Variants in TMEM132D observed in about 807,000 individuals in gnomAD.
The protein encoded by TMEM132D is transmembrane protein 132D.
TMEM132D carries 21 observed loss-of-function variants against 62.3 expected under a neutral mutation model. The ratio of observed to expected loss-of-function variants is 0.34; its 90% CI spans 0.24 to 0.49. TMEM132D has a LOEUF of 0.49. TMEM132D is among the 20% of genes least tolerant of loss of function. The pLI, the probability that TMEM132D is intolerant of heterozygous loss-of-function variation, is 0.99. For synonymous variants in TMEM132D, 621 were observed against 575.6 expected (o/e 1.08, Z -1.13); for missense variants, 1,346 against 1,402.8 (o/e 0.96, Z 0.65).
rs1176612399 is a variant in TMEM132D at position 129,371,689 on chromosome 12, A to G, written c.1116-33872T>C. Among the ~76,000 whole-genome samples the G allele has an allele frequency of 6.6e-6, 1 of 151,910 alleles. No individual in the cohort carries two copies. Among genetic ancestry groups the G allele is most frequent in the Non-Finnish European group, 1.5e-5 (1 of 67,954 alleles). On this transcript the variant is annotated intron_variant, in intron 3 of 8. Transcript: ENST00000422113. This position sits in a 1 kb window ranked among gnomAD's most constrained non-coding sequence, Gnocchi z 4.3. ...GGTGTGGATGATGATGATGGTGACAATGATGATGTGATGATAGTGATGGTG... is the reference window on the plus strand; with the variant it reads ...GGTGTGGATGATGATGATGGTGACAGTGATGATGTGATGATAGTGATGGTG...
chr12:129,094,481 G>A (rs550875943), intron 5 of TMEM132D, among the ~76,000 whole-genome samples: 73 of 152,282 alleles, frequency 4.8e-4, no homozygotes, highest in South Asian at 1.2e-3. Flanking sequence ...ACCACAATGC[G>A]ATACCATCTT....
At chr12:129,097,410 GTTTC>G (rs757882423) in intron 5 of TMEM132D, among the ~76,000 whole-genome samples, 1 of 152,172 alleles carries the variant, frequency 6.6e-6, no homozygotes, top group Non-Finnish European at 1.5e-5. Flanking sequence ...TTCTCTGTAT[GTTTC>G]TTTTTCTTTC....
intron 3 of TMEM132D, among the ~76,000 whole-genome samples, chr12:129,466,266 T>C (rs1229324003): frequency 6.8e-6 from 1 of 146,384 alleles, no homozygotes; most frequent in Admixed American, 6.9e-5. Flanking sequence ...TAACAGTGGC[T>C]GGTAGATTTT....
In TMEM132D at chr12:129,319,666, G is replaced by A. The variant is rs78251261; in HGVS notation, c.1299+17968C>T. ...CAGTCCAGTGTTTGTGGGATGTGTA[G>A]ATAAGAAGAAACAAAGAAAGGAGAT... On this transcript the variant is annotated intron_variant, in intron 4 of 8. Transcript: ENST00000422113. Among the ~76,000 whole-genome samples, 21 of 152,306 alleles carry A rather than the reference G, an allele frequency of 1.4e-4. No homozygotes were observed. The East Asian group carries it at 3.7e-3, about 27-fold the overall frequency.
At chr12:129,288,953 T>TA (rs1881373225) in intron 4 of TMEM132D, among the ~76,000 whole-genome samples, 1 of 152,140 alleles carries the variant, frequency 6.6e-6, no homozygotes, top group East Asian at 1.9e-4. Context: ...TTAAGGACAT[T>TA]ATGCTAAGTC....
At chr12:129,623,774 C>T (rs1033309772) in intron 2 of TMEM132D, among the ~76,000 whole-genome samples, 1 of 149,446 alleles carries the variant, frequency 6.7e-6, no homozygotes, top group Non-Finnish European at 1.5e-5. Flanking sequence ...TATATATACA[C>T]ATATATATAT....
At chr12:129,861,504 TA>T (rs1181891685) in intron 1 of TMEM132D, among the ~76,000 whole-genome samples, 1 of 152,210 alleles carries the variant, frequency 6.6e-6, no homozygotes, top group Non-Finnish European at 1.5e-5. Flanking sequence ...CTCACGCCTG[TA>T]ATCCCAACAA....
chr12:129,327,857 A>G (rs1468820449), intron 4 of TMEM132D, among the ~76,000 whole-genome samples: 1 of 152,208 alleles, frequency 6.6e-6, no homozygotes, highest in Non-Finnish European at 1.5e-5. Flanking sequence ...AGATATAAAC[A>G]TCTTGAACCA....
intron 5 of TMEM132D, among the ~76,000 whole-genome samples, chr12:129,161,993 G>T (rs746221267): frequency 9.2e-5 from 14 of 152,258 alleles, no homozygotes; most frequent in Non-Finnish European, 1.6e-4. Context: ...TGACAATTTT[G>T]TTGGGAAACA....
intron 2 of TMEM132D, among the ~76,000 whole-genome samples, chr12:129,638,814 G>A (rs1233595984): frequency 5.9e-5 from 9 of 151,892 alleles, no homozygotes; most frequent in Admixed American, 3.9e-4. Context: ...AGCAGTCCCC[G>A]CAATTATGAA....
rs2135601345 is a variant in TMEM132D at position 129,073,932 on chromosome 12, G to A, written c.3243C>T (p.Asp1081=). The change falls in exon 9 of 9, where the codon GAC becomes GAT. Residue 1081 remains aspartate, a synonymous_variant. Transcript: ENST00000422113. ...DDIKWVCQDL[D]PGDCKELHNY... ...TGTGCAGCTCTTTGCAGTCCCCAGG[G>A]TCCAGATCCTGGCAGACCCACTTAA... The A allele has an allele frequency of 4.4e-6, 7 of 1,600,626 alleles. No homozygotes were observed. Among genetic ancestry groups the A allele is most frequent in the Non-Finnish European group, 6.0e-6 (7 of 1,173,240 alleles).
intron 3 of TMEM132D, among the ~76,000 whole-genome samples, chr12:129,515,642 G>C (rs1018253514): frequency 6.6e-6 from 1 of 152,200 alleles, no homozygotes; most frequent in African/African-American, 2.4e-5. Flanking sequence ...TACCTCTCCA[G>C]AGAGAAGGTT....
intron 5 of TMEM132D, among the ~76,000 whole-genome samples, chr12:129,194,095 G>T (rs117857515): frequency 6.6e-6 from 1 of 152,252 alleles, no homozygotes; most frequent in Non-Finnish European, 1.5e-5. Context: ...CCTGTTAAAG[G>T]AACCCTTGGT....
intron 1 of TMEM132D, among the ~76,000 whole-genome samples, chr12:129,774,223 T>C (rs1408283923): frequency 6.6e-6 from 1 of 152,140 alleles, no homozygotes; most frequent in African/African-American, 2.4e-5. Flanking sequence ...TGGGAACACA[T>C]TGTACATGGC....
chr12:129,661,534 C>G (rs1880238605), intron 2 of TMEM132D, among the ~76,000 whole-genome samples: 1 of 152,208 alleles, frequency 6.6e-6, no homozygotes, highest in African/African-American at 2.4e-5. Flanking sequence ...TATTAAACTT[C>G]TGTAAAGACC....
At chr12:129,324,965 C>T (rs937541136) in intron 4 of TMEM132D, among the ~76,000 whole-genome samples, 24 of 152,210 alleles carry the variant, frequency 1.6e-4, no homozygotes, top group African/African-American at 5.8e-4. Context: ...CCCCGTGCTA[C>T]GTGTTTGACT....
chr12:129,098,971 C>T (rs1478769906), intron 5 of TMEM132D, among the ~76,000 whole-genome samples: 1 of 152,144 alleles, frequency 6.6e-6, no homozygotes, highest in Non-Finnish European at 1.5e-5. Context: ...ATCTGGACCC[C>T]ACAGGAAGAA....
intron 2 of TMEM132D, among the ~76,000 whole-genome samples, chr12:129,561,369 A>G (rs1877222709): frequency 6.6e-6 from 1 of 152,212 alleles, no homozygotes. Flanking sequence ...TCACTTGGCA[A>G]CAGAGACCAA....
intron 2 of TMEM132D, among the ~76,000 whole-genome samples, chr12:129,583,669 TAGAG>T: frequency 6.6e-6 from 1 of 151,734 alleles, no homozygotes; most frequent in Non-Finnish European, 1.5e-5. Flanking sequence ...GCTATGAGGA[TAGAG>T]AAAGACCCGT....
Sources: allele counts gnomAD v4.1 joint callset (sites outside exome capture counted in the v4.1 genomes callset), GRCh38; gene constraint gnomAD v4.1.1; non-coding constraint Gnocchi (gnomAD v3.1); transcripts MANE v1.5; gene names NCBI Gene and HGNC (gene_info 2026-07-23, HGNC 2026-07-21).